Variants in RPRD1A observed in about 807,000 individuals in gnomAD.
RPRD1A encodes the protein regulation of nuclear pre-mRNA domain-containing protein 1A.
A neutral mutation model predicts 37.8 loss-of-function variants in RPRD1A; 9 were observed. The ratio of observed to expected loss-of-function variants is 0.24; its 90% CI spans 0.14 to 0.42. The LOEUF is 0.42. Ranked by LOEUF, RPRD1A falls within the 10% of genes least tolerant of loss-of-function variation. The pLI, the probability that RPRD1A is intolerant of heterozygous loss-of-function variation, is 1.00. For synonymous variants in RPRD1A, 138 were observed against 139.7 expected, an observed-to-expected ratio of 0.99 and a Z score of 0.08; for missense variants, 255 against 371.0, an observed-to-expected ratio of 0.69 and a Z score of 2.57.
At chr18:36,000,330 T>C (rs922197839) in intron 6 of RPRD1A, among the ~76,000 whole-genome samples, 2 of 152,220 alleles carry the variant, frequency 1.3e-5, no homozygotes, top group Non-Finnish European at 2.9e-5. Context: ...GCTGTCATTT[T>C]TTCCCCCTTG....
chr18:36,048,063 C>CTTTTTTTT (rs1156933838), intron 1 of RPRD1A, among the ~76,000 whole-genome samples: 1 of 114,472 alleles, frequency 8.7e-6, no homozygotes, highest in African/African-American at 3.5e-5. Context: ...GTACCCATTC[C>CTTTTTTTT]TTTTTTTTTT....
rs144348787 is a variant in RPRD1A at position 36,019,724 on chromosome 18, A to G, written c.789+7176T>C. ...AATCCACAAGCACAGAGGAAAGTGG[A>G]CCACAGCATACCAATGTCAAGAACC... On this transcript the variant is annotated intron_variant, in intron 6 of 6. Transcript: ENST00000399022. 3.3e-4 allele frequency among the ~76,000 whole-genome samples: 51 copies of G among 152,324 alleles called. No homozygotes were observed. In the East Asian group the frequency reaches 7.7e-3, roughly 23 times the overall value.
At chr18:36,049,724 T>G (rs1913234722) in intron 1 of RPRD1A, among the ~76,000 whole-genome samples, 1 of 152,210 alleles carries the variant, frequency 6.6e-6, no homozygotes, top group Non-Finnish European at 1.5e-5. Flanking sequence ...GTTGGACACT[T>G]GGGTTGCTTT....
In RPRD1A at chr18:36,036,046, GA is replaced by G. The variant is rs1235954001; in HGVS notation, c.152-2210del. Among the ~76,000 whole-genome samples, 10 of 151,846 alleles carry G rather than the reference GA, an allele frequency of 6.6e-5. No homozygotes were observed. The East Asian group carries it at 1.9e-3, about 29-fold the overall frequency. ...ACTTAACACTACTGGACTGTACACG[GA>G]AAAAATGAAGATGGTAAATAATATT... On this transcript the variant is annotated intron_variant, in intron 1 of 6. Coordinates refer to ENST00000399022, the MANE Select transcript of RPRD1A (RefSeq NM_018170.5).
intron 1 of RPRD1A, among the ~76,000 whole-genome samples, chr18:36,065,793 C>CT (rs905384645): frequency 2.1e-4 from 32 of 152,162 alleles, no homozygotes; most frequent in African/African-American, 7.0e-4. Flanking sequence ...CACTGGCTTA[C>CT]TTTTTCCTGA....
At chr18:36,002,961 T>G (rs774080720) in intron 6 of RPRD1A, among the ~76,000 whole-genome samples, 1 of 152,206 alleles carries the variant, frequency 6.6e-6, no homozygotes, top group Non-Finnish European at 1.5e-5. Context: ...CAGAGTGGTC[T>G]TGTCACCTGT....
At chr18:36,049,400 C>T (rs895856685) in intron 1 of RPRD1A, among the ~76,000 whole-genome samples, 1 of 152,054 alleles carries the variant, frequency 6.6e-6, no homozygotes, top group East Asian at 1.9e-4. Context: ...CAACCCATCA[C>T]ACAATCAAAA....
At chr18:36,049,592 A>G (rs1913222166) in intron 1 of RPRD1A, among the ~76,000 whole-genome samples, 1 of 152,212 alleles carries the variant, frequency 6.6e-6, no homozygotes, top group South Asian at 2.1e-4. Flanking sequence ...AGTTTAATTC[A>G]CTTAGCATAA....
chr18:36,064,203 G>A (rs1302888204), intron 1 of RPRD1A: 2 of 152,508 alleles, frequency 1.3e-5, no homozygotes, highest in African/African-American at 4.8e-5. Context: ...CTCTGCGGCT[G>A]GCAGAGGCCG....
chr18:36,008,577 G>GTGTGTATATATATATATA lies in RPRD1A; in HGVS notation c.790-15278_790-15277insTATATATATATATACACA. Among the ~76,000 whole-genome samples the GTGTGTATATATATATATA allele has an allele frequency of 3.3e-4, 16 of 47,788 alleles. 2 individuals carry two copies. Among genetic ancestry groups the GTGTGTATATATATATATA allele is most frequent in the Non-Finnish European group, 4.7e-4 (11 of 23,524 alleles). The allele number at this position is 47,788 out of a possible 152,430, so 31.4% of individuals were successfully genotyped here. On this transcript the variant is annotated intron_variant, in intron 6 of 6. Coordinates refer to ENST00000399022, the MANE Select transcript of RPRD1A (RefSeq NM_018170.5). Reference sequence around the variant, plus strand: ...GGCGACACAGCAAGACCTTGTGTGTGTATATATATATATCTTTAAAAATCT... The same window carrying GTGTGTATATATATATATA: ...GGCGACACAGCAAGACCTTGTGTGTGTGTGTATATATATATATATATATATATATATCTTTAAAAATCT...
intron 1 of RPRD1A, among the ~76,000 whole-genome samples, chr18:36,057,738 T>A (rs1437503413): frequency 3.3e-5 from 5 of 152,234 alleles, no homozygotes; most frequent in Admixed American, 3.3e-4. Flanking sequence ...TAACACCACA[T>A]TCAAATGATT....
intron 1 of RPRD1A, among the ~76,000 whole-genome samples, chr18:36,042,486 A>G (rs1356149178): frequency 6.6e-6 from 1 of 152,240 alleles, no homozygotes; most frequent in Non-Finnish European, 1.5e-5. Context: ...CCAGCACAGC[A>G]GAGAGGGGAA....
rs879398650 is a variant in RPRD1A, at chr18:35,992,405, G to GTC, written c.*745_*746insGA. The GTC allele has an allele frequency of 5.9e-5, 9 of 152,168 alleles. No individual in the cohort carries two copies. The highest frequency in any genetic ancestry group is 4.4e-5 in the Non-Finnish European group (3 of 68,030). The allele number at this position is 152,168 out of a possible 1,614,324, so 9.4% of individuals were successfully genotyped here. On this transcript the variant is annotated 3_prime_UTR_variant, in exon 7 of 7. Transcript: ENST00000399022. ...CAGAACCAAAGTTGTCCTCTTGGTA[G>GTC]AATGTCAAAATGTATATTATTTCCA...
intron 1 of RPRD1A, among the ~76,000 whole-genome samples, chr18:36,048,487 TCAATGTGATGCACCA>T (rs141422577): frequency 0.012 from 1,777 of 152,284 alleles, 43 homozygotes; most frequent in African/African-American, 0.04. Flanking sequence ...GATTAGAACC[TCAATGTGATGCACCA>T]CATTAACAGA....
At chr18:36,030,953 G>C in intron 3 of RPRD1A, 38 bp downstream of exon 3, 1 of 1,597,028 alleles carries the variant, frequency 6.3e-7, no homozygotes, top group Non-Finnish European at 8.6e-7. Context: ...ACATTTTAAT[G>C]AAGAGATCAA....
chr18:36,024,991 T>C (rs2144265671), intron 6 of RPRD1A: 1 of 152,300 alleles, frequency 6.6e-6, no homozygotes, highest in East Asian at 1.9e-4. Context: ...TAATATAAAA[T>C]CCAGTTATGC....
At position 36,018,083 on chromosome 18, in the gene RPRD1A, A is replaced by G. The variant is rs1053529916; in HGVS notation, c.789+8817T>C. ...CAGCTCTACAAACTGCATGCCTTGA[A>G]CACACAGCCCACTTAAGACTTTTTA... On this transcript the variant is annotated intron_variant, in intron 6 of 6. Transcript: ENST00000399022. Among the ~76,000 whole-genome samples the G allele has an allele frequency of 1.6e-4, 25 of 152,312 alleles. 1 individual carries two copies. The highest frequency in any genetic ancestry group is 6.8e-3 in the Middle Eastern group (2 of 294).
chr18:36,040,962 G>T, intron 1 of RPRD1A: 1 of 650,632 alleles, frequency 1.5e-6, no homozygotes, highest in South Asian at 2.4e-5. Flanking sequence ...TACAAACACT[G>T]CTCAATTTCA....
chr18:36,024,642 T>C (rs1246841726), intron 6 of RPRD1A, among the ~76,000 whole-genome samples: 3 of 152,194 alleles, frequency 2.0e-5, no homozygotes, highest in African/African-American at 4.8e-5. Flanking sequence ...TGTTCCATTA[T>C]CAAAAATGCA....
Sources: allele counts gnomAD v4.1 joint callset (sites outside exome capture counted in the v4.1 genomes callset), GRCh38; gene constraint gnomAD v4.1.1; transcripts MANE v1.5; gene names NCBI Gene and HGNC (gene_info 2026-07-23, HGNC 2026-07-21).